The following CNTNAP2 variants were observed in gnomAD, a reference collection of about 807,000 sequenced individuals.
CNTNAP2 encodes contactin-associated protein-like 2.
Under a neutral mutation model 155.2 loss-of-function variants are expected in CNTNAP2, and 98 were observed. The observed-to-expected ratio is 0.63, with a 90% CI of 0.54 to 0.75. CNTNAP2 has a LOEUF of 0.75. Ranked by LOEUF, CNTNAP2 falls within the 30% of genes least tolerant of loss-of-function variation. CNTNAP2 has a pLI of 0.00. For missense variants in CNTNAP2, 1,727 were observed against 1,688.1 expected, an observed-to-expected ratio of 1.02 and a Z score of -0.40; for synonymous variants, 651 against 631.2, an observed-to-expected ratio of 1.03 and a Z score of -0.47.
intron 13 of CNTNAP2, among the ~76,000 whole-genome samples, chr7:147,804,314 C>T (rs909356049): frequency 6.6e-6 from 1 of 152,194 alleles, no homozygotes; most frequent in African/African-American, 2.4e-5. Flanking sequence ...ACTGTGGTGA[C>T]ATCTACTTAC....
At chr7:146,635,143 CA>C (rs1279224659) in intron 1 of CNTNAP2, among the ~76,000 whole-genome samples, 2 of 151,730 alleles carry the variant, frequency 1.3e-5, no homozygotes, top group Non-Finnish European at 2.9e-5. Flanking sequence ...AAACATAGCA[CA>C]CACAAAATAA....
At chr7:148,279,493 C>T (rs1014687890) in intron 21 of CNTNAP2, among the ~76,000 whole-genome samples, 2 of 152,134 alleles carry the variant, frequency 1.3e-5, no homozygotes, top group Non-Finnish European at 2.9e-5. Flanking sequence ...AATGAGGTAC[C>T]CTGGGAGAGA....
chr7:147,645,480 A>G (rs1245593505), intron 13 of CNTNAP2, among the ~76,000 whole-genome samples: 1 of 152,226 alleles, frequency 6.6e-6, no homozygotes, highest in African/African-American at 2.4e-5. Context: ...ATATAATTAA[A>G]TGAGACAAGC....
intron 1 of CNTNAP2, among the ~76,000 whole-genome samples, chr7:146,326,188 A>G (rs1801094660): frequency 6.6e-6 from 1 of 152,166 alleles, no homozygotes; most frequent in Non-Finnish European, 1.5e-5. Context: ...ACACATACAC[A>G]TGCACTCTCA....
chr7:148,092,194 A>G (rs1803857472), intron 15 of CNTNAP2, among the ~76,000 whole-genome samples: 1 of 152,196 alleles, frequency 6.6e-6, no homozygotes, highest in Non-Finnish European at 1.5e-5. Flanking sequence ...AGGTTTCCTA[A>G]TTCTTCCACG....
intron 14 of CNTNAP2, among the ~76,000 whole-genome samples, chr7:147,975,754 C>G (rs1028574350): frequency 1.3e-5 from 2 of 152,114 alleles, no homozygotes; most frequent in African/African-American, 4.8e-5. Flanking sequence ...ATTCTCAGTA[C>G]ATATTTTTGC....
intron 1 of CNTNAP2, among the ~76,000 whole-genome samples, chr7:146,320,848 A>G (rs891828169): frequency 5.3e-5 from 8 of 152,166 alleles, no homozygotes; most frequent in African/African-American, 1.9e-4. Context: ...TTGATTTCCA[A>G]GGAACAGGGA....
chr7:147,487,120 T>C (rs1204795385), intron 11 of CNTNAP2, among the ~76,000 whole-genome samples: 1 of 152,168 alleles, frequency 6.6e-6, no homozygotes, highest in Non-Finnish European at 1.5e-5. Context: ...CATTGTGTTA[T>C]TTGTAGTAAT....
intron 10 of CNTNAP2, among the ~76,000 whole-genome samples, chr7:147,469,772 C>A (rs1798184221): frequency 1.3e-5 from 2 of 152,124 alleles, no homozygotes; most frequent in South Asian, 4.2e-4. Context: ...CCCTCCTCGG[C>A]CTCCCAAAGT....
At chr7:146,581,624 A>G (rs988725194) in intron 1 of CNTNAP2, among the ~76,000 whole-genome samples, 2 of 151,414 alleles carry the variant, frequency 1.3e-5, no homozygotes, top group African/African-American at 2.4e-5. Context: ...AATGTAATGT[A>G]TTATAATAAA....
At chr7:147,621,137 T>A (rs1074677) in intron 12 of CNTNAP2, among the ~76,000 whole-genome samples, 3,005 of 152,260 alleles carry the variant, frequency 0.02, 104 homozygotes, top group African/African-American at 0.068. Context: ...CTGGTGATGA[T>A]ATCCTTCAAA....
At chr7:146,848,657 G>A (rs1794808824) in intron 3 of CNTNAP2, among the ~76,000 whole-genome samples, 1 of 152,120 alleles carries the variant, frequency 6.6e-6, no homozygotes, top group Non-Finnish European at 1.5e-5. Flanking sequence ...AAGAGGGGCA[G>A]GAAGTCATTC....
intron 3 of CNTNAP2, among the ~76,000 whole-genome samples, chr7:146,885,253 TAAA>T (rs992296177): frequency 6.6e-6 from 1 of 152,140 alleles, no homozygotes; most frequent in African/African-American, 2.4e-5. Context: ...TCCAATAAAA[TAAA>T]AAACCTGCAG....
chr7:148,417,179 C>CGAAGGTATAGATGCTATT lies in CNTNAP2; in HGVS notation c.*1565_*1582dup, dbSNP rs1554433156. 1 of 152,032 alleles carries CGAAGGTATAGATGCTATT rather than the reference C, an allele frequency of 6.6e-6. No homozygotes were observed. The highest frequency in any genetic ancestry group is 1.5e-5 in the Non-Finnish European group (1 of 68,012). 9.4% of individuals were successfully genotyped at this position (152,032 alleles called of 1,614,324 possible). On this transcript the variant is annotated 3_prime_UTR_variant, in exon 24 of 24. Transcript: ENST00000361727. ...CCTGGGAGAGGTTAAGAGGAGGTTT[C>CGAAGGTATAGATGCTATT]GAAGGTATAGATGCTATTGTTCTGA...
At chr7:147,727,318 T>C (rs1470359344) in intron 13 of CNTNAP2, among the ~76,000 whole-genome samples, 1 of 151,954 alleles carries the variant, frequency 6.6e-6, no homozygotes, top group East Asian at 1.9e-4. Flanking sequence ...GAGAGTAGAA[T>C]ATGAGACCTA....
intron 23 of CNTNAP2, among the ~76,000 whole-genome samples, chr7:148,413,392 C>CAAAA (rs1184055556): frequency 0.018 from 29 of 1,630 alleles, 3 homozygotes; most frequent in African/African-American, 0.03. Context: ...AACTCCGTCT[C>CAAAA]AAAAAAAAAA....
At chr7:146,732,813 A>T (rs1357037272) in intron 1 of CNTNAP2, among the ~76,000 whole-genome samples, 1 of 152,076 alleles carries the variant, frequency 6.6e-6, no homozygotes, top group East Asian at 1.9e-4. Context: ...TCATCTCTAG[A>T]TTACTTGTAA....
chr7:146,498,518 C>G (rs1213679180), intron 1 of CNTNAP2, among the ~76,000 whole-genome samples: 1 of 152,090 alleles, frequency 6.6e-6, no homozygotes, highest in Non-Finnish European at 1.5e-5. Flanking sequence ...GCTTTTCCCC[C>G]CAAACTCAGA....
intron 2 of CNTNAP2, among the ~76,000 whole-genome samples, chr7:146,809,226 A>G (rs1447575754): frequency 6.6e-6 from 1 of 151,990 alleles, no homozygotes; most frequent in Non-Finnish European, 1.5e-5. Context: ...AGCCTCCCAA[A>G]CGTTGTTGTT....
Sources: gnomAD v4.1 joint callset for allele counts (sites outside exome capture counted in the v4.1 genomes callset) on GRCh38, gnomAD v4.1.1 for gene constraint, MANE v1.5 for transcripts, NCBI Gene and HGNC (gene_info 2026-07-23, HGNC 2026-07-21) for gene names.